The following DOCK1 variants were observed in gnomAD, a reference collection of about 807,000 sequenced individuals.
DOCK1 encodes the protein dedicator of cytokinesis 1.
A neutral mutation model predicts 262.7 loss-of-function variants in DOCK1; 138 were observed. The ratio of observed to expected loss-of-function variants is 0.53; its 90% CI spans 0.46 to 0.61. DOCK1 has a LOEUF of 0.61. DOCK1 is among the 20% of genes least tolerant of loss of function. The pLI is 0.00. For missense variants in DOCK1, 1,908 were observed against 2,370.7 expected (o/e 0.80, Z 4.05); for synonymous variants, 866 against 867.4 (o/e 1.00, Z 0.03).
chr10:127,134,717 T>A (rs2050543877), intron 27 of DOCK1, among the ~76,000 whole-genome samples: 1 of 152,174 alleles, frequency 6.6e-6, no homozygotes, highest in Non-Finnish European at 1.5e-5. Flanking sequence ...TCTGCATGTG[T>A]CAGAAGAGGA....
chr10:126,941,784 A>AAAAC (rs1303267309), intron 1 of DOCK1, among the ~76,000 whole-genome samples: 34 of 151,366 alleles, frequency 2.2e-4, no homozygotes, highest in Non-Finnish European at 4.4e-4. Context: ...AAAACAAAAC[A>AAAAC]AAAAAAACAG....
intron 33 of DOCK1, among the ~76,000 whole-genome samples, chr10:127,365,351 T>C (rs973306667): frequency 2.6e-5 from 4 of 152,228 alleles, no homozygotes; most frequent in African/African-American, 9.6e-5. Flanking sequence ...TTGATGTTAA[T>C]ACGATAAGAT....
rs57431135 is a variant in DOCK1, at chr10:127,285,792, T to G, written c.3044+28363T>G. On this transcript the variant is annotated intron_variant, in intron 29 of 51. Transcript: ENST00000623213. ...CTCTTCAGAGTGTGCTTCCACAGTCTAACCCTCCTGCTTGACGACCTGTTA... is the reference window on the plus strand; with the variant it reads ...CTCTTCAGAGTGTGCTTCCACAGTCGAACCCTCCTGCTTGACGACCTGTTA... Among the ~76,000 whole-genome samples, 1,319 of 152,330 alleles carry G rather than the reference T, an allele frequency of 8.7e-3. 36 individuals carry two copies. The East Asian group carries it at 0.11, about 12-fold the overall frequency.
chr10:127,003,786 T>C (rs1304063280), intron 10 of DOCK1, among the ~76,000 whole-genome samples: 1 of 152,074 alleles, frequency 6.6e-6, no homozygotes, highest in African/African-American at 2.4e-5. Context: ...AAACCTCCTA[T>C]CTACGAAAAA....
chr10:127,109,424 G>A (rs1342329872), intron 24 of DOCK1, among the ~76,000 whole-genome samples: 1 of 152,202 alleles, frequency 6.6e-6, no homozygotes, highest in African/African-American at 2.4e-5. Context: ...ACCTATTGTA[G>A]ACGGTTCAAT....
chr10:127,143,805 C>T (rs2051511964), intron 27 of DOCK1, among the ~76,000 whole-genome samples: 2 of 152,158 alleles, frequency 1.3e-5, no homozygotes, highest in African/African-American at 4.8e-5. Context: ...CTGGCCACCT[C>T]GCCAGGCAAT....
In DOCK1 at chr10:127,328,451, A is replaced by C. The variant is rs1403368872; in HGVS notation, c.3045-10555A>C. Among the ~76,000 whole-genome samples, 3 of 152,188 alleles carry C rather than the reference A, an allele frequency of 2.0e-5. No individual in the cohort carries two copies. The East Asian group carries it at 5.8e-4, about 29-fold the overall frequency. ...GATGCGTTGCTGGATGCTGTGGGGAATAAAGATTCTGCACAGATGGACCCT... is the reference window on the plus strand; with the variant it reads ...GATGCGTTGCTGGATGCTGTGGGGACTAAAGATTCTGCACAGATGGACCCT... On this transcript the variant is annotated intron_variant, in intron 29 of 51. Coordinates refer to ENST00000623213, the MANE Select transcript of DOCK1 (RefSeq NM_001290223.2).
rs565004875 is a variant in DOCK1 at position 127,208,079 on chromosome 10, G to A, written c.2848-39929G>A. ...ATCCTATCAAGAATTACTTCTGGCA[G>A]GGGATATGGTGAAGGGGCCATTCAT... On this transcript the variant is annotated intron_variant, in intron 27 of 51. Coordinates refer to ENST00000623213, the MANE Select transcript of DOCK1 (RefSeq NM_001290223.2). Among the ~76,000 whole-genome samples, 56 of 152,330 alleles carry A rather than the reference G, an allele frequency of 3.7e-4. 1 individual carries two copies. The highest frequency in any genetic ancestry group is 1.4e-3 in the Admixed American group (22 of 15,298).
chr10:127,390,992 C>T (rs964877529), intron 38 of DOCK1, among the ~76,000 whole-genome samples: 5 of 152,176 alleles, frequency 3.3e-5, no homozygotes, highest in African/African-American at 7.2e-5. Context: ...CCAGCACTGC[C>T]GCCCACATGC....
chr10:127,235,679 T>C (rs1029200274), intron 27 of DOCK1, among the ~76,000 whole-genome samples: 38 of 152,162 alleles, frequency 2.5e-4, no homozygotes, highest in Non-Finnish European at 5.4e-4. Context: ...GAGGTGAGTA[T>C]ATTATCAGCT....
At position 127,426,173 on chromosome 10, in the gene DOCK1, A is replaced by C. The variant is rs1309222313; in HGVS notation, c.4914+162A>C. Among the ~76,000 whole-genome samples the C allele has an allele frequency of 2.0e-5, 3 of 152,332 alleles. No individual in the cohort carries two copies. In the East Asian group the frequency reaches 5.8e-4, roughly 29 times the overall value. ...TCAGCCCCCTTGGGCAGTCTTGTCTACCGGCAACTCAGCAACCTCCTTTCA... is the reference window on the plus strand; with the variant it reads ...TCAGCCCCCTTGGGCAGTCTTGTCTCCCGGCAACTCAGCAACCTCCTTTCA... On this transcript the variant is annotated intron_variant, in intron 47 of 51. Transcript: ENST00000623213.
intron 7 of DOCK1, chr10:126,997,775 G>A: frequency 3.3e-6 from 1 of 301,844 alleles, no homozygotes; most frequent in South Asian, 4.4e-5. Context: ...TCCTTGGAGG[G>A]TTTAGTCTAA....
chr10:127,388,080 C>A (rs936789993), intron 38 of DOCK1, among the ~76,000 whole-genome samples: 3 of 152,086 alleles, frequency 2.0e-5, no homozygotes, highest in African/African-American at 2.4e-5. Flanking sequence ...AAGAAATAGC[C>A]CAGAATCCCT....
At chr10:127,391,487 C>A (rs780683114) in intron 38 of DOCK1, among the ~76,000 whole-genome samples, 24 of 152,180 alleles carry the variant, frequency 1.6e-4, no homozygotes, top group Non-Finnish European at 3.4e-4. Context: ...GAATTATGCG[C>A]CTCGGTGATG....
intron 2 of DOCK1, among the ~76,000 whole-genome samples, chr10:126,973,965 G>A (rs1204882924): frequency 1.3e-5 from 2 of 152,078 alleles, no homozygotes; most frequent in African/African-American, 2.4e-5. Context: ...TTATTTTAGG[G>A]TTCAAAGACT....
intron 22 of DOCK1, among the ~76,000 whole-genome samples, chr10:127,058,780 C>T (rs1265583146): frequency 2.0e-5 from 3 of 152,042 alleles, no homozygotes; most frequent in Non-Finnish European, 4.4e-5. Context: ...CTAGATATGG[C>T]CAGAAAAATA....
At chr10:127,286,430 G>A (rs372617745) in intron 29 of DOCK1, among the ~76,000 whole-genome samples, 25 of 151,956 alleles carry the variant, frequency 1.6e-4, no homozygotes, top group Non-Finnish European at 3.5e-4. Context: ...GTGCTTTTTC[G>A]TCTTTGTTTT....
intron 27 of DOCK1, among the ~76,000 whole-genome samples, chr10:127,132,321 A>C (rs1215909823): frequency 6.6e-6 from 1 of 152,188 alleles, no homozygotes; most frequent in Non-Finnish European, 1.5e-5. Context: ...CTTAAGAAAA[A>C]ACCAAAACAA....
chr10:127,216,309 T>TAA (rs57559331), intron 27 of DOCK1, among the ~76,000 whole-genome samples: 4 of 141,338 alleles, frequency 2.8e-5, no homozygotes, highest in African/African-American at 1.0e-4. Flanking sequence ...GATAATTTAG[T>TAA]AAAAAAAAAA....
Sources: allele counts gnomAD v4.1 joint callset (sites outside exome capture counted in the v4.1 genomes callset), GRCh38; gene constraint gnomAD v4.1.1; transcripts MANE v1.5; gene names NCBI Gene and HGNC (gene_info 2026-07-23, HGNC 2026-07-21).